Variants in GLOD4 observed in about 807,000 individuals in gnomAD.
GLOD4 encodes the protein glyoxalase domain containing 4.
Under a neutral mutation model 39.1 loss-of-function variants are expected in GLOD4, and 44 were observed. The ratio of observed to expected loss-of-function variants is 1.13; its 90% CI spans 0.88 to 1.45. GLOD4 has a LOEUF of 1.45. Among genes scored for constraint, GLOD4 ranks in the 40% most tolerant of loss-of-function variants. The pLI, the probability that GLOD4 is intolerant of heterozygous loss-of-function variation, is 0.00. For missense variants in GLOD4, 405 were observed against 366.4 expected (o/e 1.11, Z -0.86); for synonymous variants, 145 against 135.0 (o/e 1.07, Z -0.52).
At chr17:768,503 A>G (rs1387206581) in intron 8 of GLOD4, among the ~76,000 whole-genome samples, 3 of 136,266 alleles carry the variant, frequency 2.2e-5, no homozygotes, top group Non-Finnish European at 3.1e-5. Flanking sequence ...GACGTGAGAG[A>G]GAGAAACAGC....
intron 4 of GLOD4, among the ~76,000 whole-genome samples, chr17:775,538 TGAAA>T (rs1218069117): frequency 1.3e-5 from 2 of 152,222 alleles, no homozygotes; most frequent in East Asian, 3.8e-4. Context: ...TATTTACAGA[TGAAA>T]GAATCATAAA....
At chr17:772,722 G>A (rs1158447088) in intron 4 of GLOD4, among the ~76,000 whole-genome samples, 2 of 152,282 alleles carry the variant, frequency 1.3e-5, no homozygotes, top group Admixed American at 6.5e-5. Context: ...CAGGCCGGGC[G>A]CGGTGGCTCA....
chr17:771,151 G>C, intron 5 of GLOD4, 174 bp downstream of exon 5: 1 of 482,594 alleles, frequency 2.1e-6, no homozygotes, highest in Non-Finnish European at 3.7e-6. Context: ...TATCTGGGTG[G>C]TAAGGTTATC....
chr17:767,277 G>A (rs1906747760), intron 8 of GLOD4, among the ~76,000 whole-genome samples: 1 of 152,214 alleles, frequency 6.6e-6, no homozygotes, highest in Non-Finnish European at 1.5e-5. Context: ...TCTAGTACAT[G>A]CCAGGTATGT....
intron 8 of GLOD4, among the ~76,000 whole-genome samples, 156 bp from the exon 9 acceptor site, chr17:760,394 A>C (rs1326422558): frequency 2.0e-5 from 3 of 152,234 alleles, no homozygotes; most frequent in Non-Finnish European, 4.4e-5. Context: ...AGAAATAAAA[A>C]AAATTTTTTA....
At chr17:762,809 G>A (rs926518564) in intron 8 of GLOD4, among the ~76,000 whole-genome samples, 3 of 152,256 alleles carry the variant, frequency 2.0e-5, no homozygotes, top group Non-Finnish European at 4.4e-5. Context: ...GAGGGCCAAT[G>A]ACTTACTCAT....
chr17:768,549 C>T (rs55960581), intron 8 of GLOD4, among the ~76,000 whole-genome samples: 11,814 of 65,204 alleles, frequency 0.18, 3 homozygotes, highest in Non-Finnish European at 0.25. Context: ...CTGGAGAGGA[C>T]GTGAGAGAGA....
chr17:772,455 A>T (rs1360515390), intron 4 of GLOD4, among the ~76,000 whole-genome samples: 2 of 152,028 alleles, frequency 1.3e-5, no homozygotes, highest in Non-Finnish European at 2.9e-5. Flanking sequence ...TGAAGAAAAA[A>T]CTTCTGCTAC....
chr17:783,556 C>A (rs1297435070), upstream of GLOD4: 3 of 337,196 alleles, frequency 8.9e-6, no homozygotes, highest in African/African-American at 2.1e-5. Flanking sequence ...AGGCTGACGT[C>A]GAACTTGTGA....
chr17:781,591 A>G (rs1909959792), intron 1 of GLOD4, among the ~76,000 whole-genome samples: 1 of 152,164 alleles, frequency 6.6e-6, no homozygotes, highest in Non-Finnish European at 1.5e-5. Context: ...CTGGCTTATC[A>G]AAGGAGGTCC....
chr17:782,308 G>A (rs774594048), upstream of GLOD4: 4 of 1,611,460 alleles, frequency 2.5e-6, no homozygotes, highest in East Asian at 2.2e-5. Flanking sequence ...GTCCACGAAG[G>A]GCGCCACGGG....
At chr17:763,370 T>C (rs1484275409) in intron 8 of GLOD4, among the ~76,000 whole-genome samples, 1 of 151,644 alleles carries the variant, frequency 6.6e-6, no homozygotes, top group Middle Eastern at 3.4e-3. Flanking sequence ...TAGCTGGACA[T>C]GGTGGCGGGT....
intron 8 of GLOD4, among the ~76,000 whole-genome samples, chr17:768,903 C>G (rs1008813795): frequency 6.7e-6 from 1 of 149,502 alleles, no homozygotes; most frequent in Non-Finnish European, 1.5e-5. Context: ...AGAGAAACAG[C>G]GCGCACTCAG....
chr17:761,085 A>T (rs1227570449), intron 8 of GLOD4, among the ~76,000 whole-genome samples: 2 of 152,248 alleles, frequency 1.3e-5, no homozygotes, highest in Non-Finnish European at 2.9e-5. Context: ...GTGGCAGCAG[A>T]GACAGTCGGA....
At chr17:784,243 T>C (rs1910428516), upstream of GLOD4, among the ~76,000 whole-genome samples, 1 of 152,214 alleles carries the variant, frequency 6.6e-6, no homozygotes, top group Non-Finnish European at 1.5e-5. Context: ...AGAGAGGAGA[T>C]TCTGGGGAAC....
At chr17:769,763 G>C in intron 8 of GLOD4, 106 bp downstream of exon 8, 1 of 768,250 alleles carries the variant, frequency 1.3e-6, no homozygotes, top group Non-Finnish European at 2.3e-6. Context: ...AAAGGACGTG[G>C]TTCTGACATT....
chr17:768,368 A>G (rs71357111), intron 8 of GLOD4, among the ~76,000 whole-genome samples: 10 of 144,628 alleles, frequency 6.9e-5, no homozygotes, highest in South Asian at 2.2e-4. Flanking sequence ...GATTTTTAGA[A>G]GAAGAAATCT....
rs111684504 is a variant in GLOD4, at chr17:768,684, G to A, written c.831+1185C>T. Among the ~76,000 whole-genome samples, 549 of 131,430 alleles carry A rather than the reference G, an allele frequency of 4.2e-3. 30 individuals carry two copies. Among genetic ancestry groups the A allele is most frequent in the African/African-American group, 0.015 (515 of 34,052 alleles). The allele number at this position is 131,430 out of a possible 152,430, so 86.2% of individuals were successfully genotyped here. ...AGGACGTGAGAGGGAGAAACAGCGCGCACTCAGATTTTTAGAGGAAGAAAT... is the reference window on the plus strand; with the variant it reads ...AGGACGTGAGAGGGAGAAACAGCGCACACTCAGATTTTTAGAGGAAGAAAT... On this transcript the variant is annotated intron_variant, in intron 8 of 8. Transcript: ENST00000301329.
chr17:774,638 G>C (rs1908576817), intron 4 of GLOD4, among the ~76,000 whole-genome samples: 1 of 152,206 alleles, frequency 6.6e-6, no homozygotes, highest in African/African-American at 2.4e-5. Flanking sequence ...CGGCTCCAGA[G>C]GAGGCATGGC....
Sources: allele counts gnomAD v4.1 joint callset (sites outside exome capture counted in the v4.1 genomes callset), GRCh38; gene constraint gnomAD v4.1.1; transcripts MANE v1.5; gene names NCBI Gene and HGNC (gene_info 2026-07-23, HGNC 2026-07-21).